The following NAALADL2 variants were observed in gnomAD, a reference collection of about 807,000 sequenced individuals.
NAALADL2 encodes N-acetylated alpha-linked acidic dipeptidase like 2.
A neutral mutation model predicts 87.2 loss-of-function variants in NAALADL2; 76 were observed. The ratio of observed to expected loss-of-function variants is 0.87; its 90% confidence interval spans 0.72 to 1.05. The LOEUF (loss-of-function observed/expected upper bound fraction) is 1.05. Ranked by LOEUF, NAALADL2 falls within the 50% of genes least tolerant of loss-of-function variation. The pLI, the probability that NAALADL2 is intolerant of heterozygous loss-of-function variation, is 0.00. For synonymous variants in NAALADL2, 354 were observed against 331.0 expected (o/e 1.07, Z -0.75); for missense variants, 1,089 against 945.8 (o/e 1.15, Z -1.99).
intron 1 of NAALADL2, among the ~76,000 whole-genome samples, chr3:175,039,934 C>A (rs927894997): frequency 1.3e-5 from 2 of 152,098 alleles, no homozygotes; most frequent in African/African-American, 4.8e-5. Context: ...TTATACCTAA[C>A]ACTCTGTACT....
chr3:174,723,808 C>G (rs888550520), intron 2 of NAALADL2, among the ~76,000 whole-genome samples: 2 of 105,490 alleles, frequency 1.9e-5, no homozygotes, highest in Admixed American at 1.1e-4. Flanking sequence ...ACAACTTAAA[C>G]TATACTGGAG....
intron 1 of NAALADL2, among the ~76,000 whole-genome samples, chr3:175,027,356 C>T (rs75762400): frequency 2.8e-3 from 421 of 152,058 alleles, no homozygotes; most frequent in Non-Finnish European, 5.3e-3. Context: ...AACTGAATCC[C>T]GGTTTCAACT....
chr3:175,239,678 C>T (rs1040651208), intron 3 of NAALADL2, among the ~76,000 whole-genome samples: 3 of 152,134 alleles, frequency 2.0e-5, no homozygotes, highest in Non-Finnish European at 4.4e-5. Context: ...ACTAACTGTG[C>T]AGAAGCTACA....
intron 1 of NAALADL2, among the ~76,000 whole-genome samples, chr3:174,464,488 A>T (rs1235133086): frequency 6.6e-6 from 1 of 151,936 alleles, no homozygotes; most frequent in African/African-American, 2.4e-5. Context: ...TTACCTAAAT[A>T]AAATAGAAAC....
At chr3:174,575,463 C>T (rs780449429) in intron 2 of NAALADL2, among the ~76,000 whole-genome samples, 1 of 151,994 alleles carries the variant, frequency 6.6e-6, no homozygotes, top group Non-Finnish European at 1.5e-5. Context: ...GATGAATTTG[C>T]CTAAAAATTC....
At chr3:175,199,092 G>T (rs978320201) in intron 2 of NAALADL2, among the ~76,000 whole-genome samples, 2 of 152,126 alleles carry the variant, frequency 1.3e-5, no homozygotes, top group Non-Finnish European at 2.9e-5. Context: ...TTTGAAACGG[G>T]ATTGTATTCA....
chr3:175,258,495 G>C lies in NAALADL2; in HGVS notation c.939+1965G>C, dbSNP rs139611861. Among the ~76,000 whole-genome samples the C allele has an allele frequency of 2.7e-3, 411 of 152,134 alleles. 5 individuals are homozygous for C. The highest frequency in any genetic ancestry group is 9.5e-3 in the African/African-American group (395 of 41,508). Reference sequence around the variant, plus strand: ...TTAAGAGGCTAAATTAGAATTTTTAGCTAGGATTCCATGATAAAGAAACGT... The same window carrying C: ...TTAAGAGGCTAAATTAGAATTTTTACCTAGGATTCCATGATAAAGAAACGT... On this transcript the variant is annotated intron_variant, in intron 4 of 13. Transcript: ENST00000454872.
chr3:174,762,433 G>A lies in NAALADL2; in HGVS notation c.-9+24687G>A, dbSNP rs13087853. On this transcript the variant is annotated intron_variant, in intron 3 of 3. Transcript: ENST00000434257. ...CTCCCAAAGTGCTGGGATTACAGGC[G>A]TGAGCCACCGCGCCCAGCAGCATTC... Among the ~76,000 whole-genome samples, 31 of 147,216 alleles carry A rather than the reference G, an allele frequency of 2.1e-4. No individual in the cohort carries two copies. The East Asian group carries it at 3.8e-3, about 18-fold the overall frequency.
At chr3:175,393,407 AATT>A (rs1327992722) in intron 5 of NAALADL2, among the ~76,000 whole-genome samples, 7 of 151,246 alleles carry the variant, frequency 4.6e-5, no homozygotes, top group African/African-American at 7.3e-5. Context: ...GTATTACCCT[AATT>A]ATTATGATTA....
intron 3 of NAALADL2, among the ~76,000 whole-genome samples, chr3:175,239,189 C>T (rs1427778017): frequency 6.6e-6 from 1 of 152,058 alleles, no homozygotes; most frequent in Non-Finnish European, 1.5e-5. Context: ...ACAGGTGGGT[C>T]AGTAAAAGGG....
chr3:175,592,690 G>C (rs890686380), intron 10 of NAALADL2, among the ~76,000 whole-genome samples: 1 of 144,814 alleles, frequency 6.9e-6, no homozygotes, highest in South Asian at 2.2e-4. Flanking sequence ...ATTGAACAAT[G>C]AGAACACATG....
intron 2 of NAALADL2, among the ~76,000 whole-genome samples, chr3:174,605,453 C>T (rs12486316): frequency 0.17 from 26,098 of 152,080 alleles, 2,767 homozygotes; most frequent in African/African-American, 0.29. Context: ...AAAATCGGGT[C>T]ACTCCCACCC....
intron 2 of NAALADL2, among the ~76,000 whole-genome samples, chr3:174,725,028 G>A (rs1438150033): frequency 1.3e-5 from 2 of 152,138 alleles, no homozygotes; most frequent in African/African-American, 2.4e-5. Flanking sequence ...CATACACTGA[G>A]AAGCACTGCC....
At chr3:174,612,913 G>GTT (rs750256748) in intron 2 of NAALADL2, among the ~76,000 whole-genome samples, 1 of 152,128 alleles carries the variant, frequency 6.6e-6, no homozygotes, top group African/African-American at 2.4e-5. Context: ...CATAGTCTGA[G>GTT]CTTGTTTGTT....
In NAALADL2 at chr3:175,484,344, C is replaced by T. The variant is rs544200949; in HGVS notation, c.1653+12586C>T. Among the ~76,000 whole-genome samples, 15 of 151,964 alleles carry T rather than the reference C, an allele frequency of 9.9e-5. No homozygotes were observed. The East Asian group carries it at 1.5e-3, about 16-fold the overall frequency. On this transcript the variant is annotated intron_variant, in intron 9 of 13. Transcript: ENST00000454872. ...ATCTCTTAAAAGAAATAATTATTTG[C>T]GAATGCTATGTAAGTAACATAAATC...
chr3:174,462,275 A>G (rs895279933), intron 1 of NAALADL2, among the ~76,000 whole-genome samples: 7 of 152,112 alleles, frequency 4.6e-5, no homozygotes, highest in African/African-American at 1.7e-4. Flanking sequence ...AATCCTTCAG[A>G]ACTCAACACA....
intron 9 of NAALADL2, among the ~76,000 whole-genome samples, chr3:175,531,272 G>T (rs1276619904): frequency 6.6e-6 from 1 of 151,984 alleles, no homozygotes; most frequent in Admixed American, 6.6e-5. Flanking sequence ...ACTAGGCATT[G>T]TGCCTCTTTC....
At chr3:175,555,523 C>T (rs1167260228) in intron 9 of NAALADL2, among the ~76,000 whole-genome samples, 2 of 152,148 alleles carry the variant, frequency 1.3e-5, no homozygotes, top group Admixed American at 1.3e-4. Context: ...AAACATTTCA[C>T]ATGGGTAAGC....
At chr3:174,782,026 C>G (rs1716048896) in intron 3 of NAALADL2, among the ~76,000 whole-genome samples, 1 of 152,150 alleles carries the variant, frequency 6.6e-6, no homozygotes, top group Admixed American at 6.6e-5. Flanking sequence ...ATCATTAAAA[C>G]TTTAAATGTA....
Sources: gnomAD v4.1 joint callset for allele counts (sites outside exome capture counted in the v4.1 genomes callset) on GRCh38, gnomAD v4.1.1 for gene constraint, MANE v1.5 for transcripts, NCBI Gene and HGNC (gene_info 2026-07-23, HGNC 2026-07-21) for gene names.